The following CEP104 variants were observed in gnomAD, a reference collection of about 807,000 sequenced individuals.
CEP104 encodes centrosomal protein 104.
CEP104 carries 84 observed loss-of-function variants against 113.3 expected under a neutral mutation model. The ratio of observed to expected loss-of-function variants is 0.74; its 90% confidence interval spans 0.62 to 0.89. The LOEUF (loss-of-function observed/expected upper bound fraction) is 0.89. Among genes scored for constraint, CEP104 ranks in the 40% least tolerant of loss-of-function variants. The pLI is 0.00. For missense variants in CEP104, 1,053 were observed against 1,156.6 expected, an observed-to-expected ratio of 0.91 and a Z score of 1.30; for synonymous variants, 378 against 421.7, an observed-to-expected ratio of 0.90 and a Z score of 1.27.
At chr1:3,818,211 C>T (rs985077993) in intron 20 of CEP104, among the ~76,000 whole-genome samples, 6 of 152,212 alleles carry the variant, frequency 3.9e-5, no homozygotes, top group African/African-American at 1.4e-4. Flanking sequence ...TCCTCCCACT[C>T]TGCCTGGGGC....
intron 2 of CEP104, among the ~76,000 whole-genome samples, chr1:3,849,024 T>C (rs1644562198): frequency 6.6e-6 from 1 of 152,188 alleles, no homozygotes; most frequent in Admixed American, 6.5e-5. Flanking sequence ...ATAGGAATCA[T>C]ACTCTTGGCA....
rs776879980 is a variant in CEP104, at chr1:3,845,029, A to G, written c.490-46T>C. The G allele has an allele frequency of 2.1e-6, 3 of 1,439,880 alleles. No homozygotes were observed. The Admixed American group carries it at 5.0e-5, about 24-fold the overall frequency. 89.2% of individuals were successfully genotyped at this position (1,439,880 alleles called of 1,614,324 possible). A position where few individuals can be genotyped will look rare whatever the true frequency, so the allele number is the denominator to read the frequency against. On this transcript the variant is annotated intron_variant, in intron 5 of 21. Transcript: ENST00000378230. ...CTTAGTGTCTCAGAGAGAAAGAGGA[A>G]CAACACAAAACCTTAACTACAAGAT...
intron 15 of CEP104, 100 bp downstream of exon 15, chr1:3,829,166 G>T: frequency 1.2e-6 from 1 of 823,708 alleles, no homozygotes; most frequent in Non-Finnish European, 1.8e-6. Flanking sequence ...ACGCTCATTT[G>T]CATAATCCCA....
At chr1:3,853,206 T>C (rs1477182150) in intron 1 of CEP104, among the ~76,000 whole-genome samples, 2 of 152,070 alleles carry the variant, frequency 1.3e-5, no homozygotes. Context: ...GCTAAATGAA[T>C]GTGTATGACC....
intron 10 of CEP104, 28 bp downstream of exon 10, chr1:3,836,467 C>CGT (rs1553162938): frequency 1.7e-6 from 2 of 1,187,200 alleles, no homozygotes; most frequent in Non-Finnish European, 1.2e-6. Flanking sequence ...TCTGCCACCC[C>CGT]GTTTTTTTTT....
rs1643847558 is a variant in CEP104 at position 3,814,701 on chromosome 1, A to C, written c.*701T>G. The C allele has an allele frequency of 6.6e-6, 1 of 152,262 alleles. No individual in the cohort carries two copies. Among genetic ancestry groups the C allele is most frequent in the African/African-American group, 2.4e-5 (1 of 41,472 alleles). 9.4% of individuals were successfully genotyped at this position (152,262 alleles called of 1,614,324 possible). On this transcript the variant is annotated 3_prime_UTR_variant, in exon 22 of 22. Transcript: ENST00000378230. ...CCAGCAGGGAGCTGATGCCTGTCAC[A>C]GGGGCAGCACTACTGGAGAAGCATC... is the stretch of plus-strand genomic sequence containing the variant.
Position 3,823,175 on chromosome 1 carries a change from T to A in CEP104, c.2570A>T (p.Glu857Val), listed in dbSNP as rs1298754606. 1.2e-6 allele frequency: 2 copies of A among 1,613,898 alleles called. No individual in the cohort carries two copies. The highest frequency in any genetic ancestry group is 1.7e-6 in the Non-Finnish European group (2 of 1,179,972). ...GTCCCTTCTCCCCAGGCCCCTCACC[T>A]CTTCTCCAGGGCTGAAGTTCTCATG... ...LCHENFSPGEEAWKAHLMGPA... is the reference protein window; with the variant it reads ...LCHENFSPGEVAWKAHLMGPA... Residue 857 changes from glutamate (E) to valine (V), a missense_variant and splice_region_variant, in exon 20 of 22, where the codon GAG (glutamate) becomes GTG (valine). Physicochemically the swap from Glu to Val is moderately radical, Grantham distance 121 (BLOSUM62 -2). Coordinates refer to ENST00000378230, the MANE Select transcript of CEP104 (RefSeq NM_014704.4). This position sits in a 1 kb window ranked among gnomAD's most constrained non-coding sequence, Gnocchi z 4.1.
In CEP104 at chr1:3,823,030, C is replaced by T. The variant is rs1490474626; in HGVS notation, c.2571+144G>A. ...AAACGGAACGACTGCTCAGACAGGGCTCACTAGACGCTGTCCCCTCCCTGA... is the reference window on the plus strand; with the variant it reads ...AAACGGAACGACTGCTCAGACAGGGTTCACTAGACGCTGTCCCCTCCCTGA... On this transcript the variant is annotated intron_variant, in intron 20 of 21. Coordinates refer to ENST00000378230, the MANE Select transcript of CEP104 (RefSeq NM_014704.4). This position sits in a 1 kb window ranked among gnomAD's most constrained non-coding sequence, Gnocchi z 4.1. The T allele has an allele frequency of 1.4e-6, 1 of 712,726 alleles. No homozygotes were observed. Among genetic ancestry groups the T allele is most frequent in the Non-Finnish European group, 2.4e-6 (1 of 409,878 alleles). The allele number at this position is 712,726 out of a possible 1,614,324, so 44.2% of individuals were successfully genotyped here.
intron 12 of CEP104, among the ~76,000 whole-genome samples, chr1:3,831,602 T>C (rs1487555881): frequency 6.6e-6 from 1 of 152,234 alleles, no homozygotes; most frequent in Non-Finnish European, 1.5e-5. Flanking sequence ...ACCGTTATTT[T>C]AGTATTTATT....
chr1:3,815,755 A>G (rs957370239), intron 21 of CEP104, among the ~76,000 whole-genome samples: 2 of 151,058 alleles, frequency 1.3e-5, no homozygotes, highest in Non-Finnish European at 1.5e-5. Flanking sequence ...GTGGCGCAAT[A>G]TTGGCTCACC....
chr1:3,821,101 G>A (rs565434996), intron 20 of CEP104, among the ~76,000 whole-genome samples: 42 of 152,214 alleles, frequency 2.8e-4, no homozygotes, highest in Admixed American at 1.2e-3. Context: ...GGCCCCCAGC[G>A]CTGTCCTGAG....
intron 15 of CEP104, among the ~76,000 whole-genome samples, chr1:3,828,251 A>G (rs1267792852): frequency 6.6e-6 from 1 of 152,148 alleles, no homozygotes; most frequent in Non-Finnish European, 1.5e-5. Context: ...TTGTGTACTA[A>G]TCACAATGAG....
chr1:3,829,336 T>C lies in CEP104; in HGVS notation c.2081A>G (p.Gln694Arg), dbSNP rs748254073. 6.2e-7 allele frequency: 1 copy of C among 1,607,060 alleles called. No homozygotes were observed. The highest frequency in any genetic ancestry group is 8.5e-7 in the Non-Finnish European group (1 of 1,178,790). ...RKAATEEAEKQKKEEIKALQG... is the reference protein window; with the variant it reads ...RKAATEEAEKRKKEEIKALQG... ...TAAAGCTTTTATTTCTTCTTTCTTTTGTTTTTCTGCTTCTTCTGTAGCCGC... is the reference window on the plus strand; with the variant it reads ...TAAAGCTTTTATTTCTTCTTTCTTTCGTTTTTCTGCTTCTTCTGTAGCCGC... Residue 694 changes from glutamine (Q) to arginine (R), a missense_variant, in exon 15 of 22, where the codon CAA becomes CGA. Transcript: ENST00000378230.
chr1:3,852,902 G>A (rs1004553036), intron 1 of CEP104, among the ~76,000 whole-genome samples: 12 of 71,870 alleles, frequency 1.7e-4, no homozygotes, highest in South Asian at 8.5e-4. Context: ...TAAGCGGGCC[G>A]GCCAAGGACG....
Position 3,828,634 on chromosome 1 carries a change from C to T in CEP104, c.2151+632G>A, listed in dbSNP as rs183206333. 2.1e-3 allele frequency among the ~76,000 whole-genome samples: 321 copies of T among 152,296 alleles called. 2 individuals carry two copies. Among genetic ancestry groups the T allele is most frequent in the Non-Finnish European group, 3.3e-3 (226 of 68,024 alleles). Reference sequence around the variant, plus strand: ...GGTCCCAGAACTCATTCACCTGGCACGGCTGAAAACTCAGGTCTGCGGAAC... The same window carrying T: ...GGTCCCAGAACTCATTCACCTGGCATGGCTGAAAACTCAGGTCTGCGGAAC... On this transcript the variant is annotated intron_variant, in intron 15 of 21. Coordinates refer to ENST00000378230, the MANE Select transcript of CEP104 (RefSeq NM_014704.4).
intron 2 of CEP104, among the ~76,000 whole-genome samples, chr1:3,849,264 A>C (rs2124694759): frequency 9.2e-6 from 1 of 108,622 alleles, no homozygotes; most frequent in East Asian, 2.2e-4. Context: ...AAAGTGACAT[A>C]ACTTTTTTTT....
chr1:3,824,968 GA>G (rs1233088911), intron 18 of CEP104, among the ~76,000 whole-genome samples: 3 of 117,982 alleles, frequency 2.5e-5, no homozygotes, highest in Non-Finnish European at 5.4e-5. Context: ...TGGGAAGGGG[GA>G]CAGTGGCACT....
rs78421308 is a variant in CEP104, at chr1:3,819,467, A to C, written c.2572-3097T>G. ...GGCTGTGCAGACTAGATCTCCATGAAGCTGTTAAAAACAGGTGATCTTAAT... is the reference window on the plus strand; with the variant it reads ...GGCTGTGCAGACTAGATCTCCATGACGCTGTTAAAAACAGGTGATCTTAAT... On this transcript the variant is annotated intron_variant, in intron 20 of 21. Coordinates refer to ENST00000378230, the MANE Select transcript of CEP104 (RefSeq NM_014704.4). The surrounding 1 kb of genome is among the most constrained non-coding windows in gnomAD (Gnocchi z 4.6). Among the ~76,000 whole-genome samples the C allele has an allele frequency of 2.6e-5, 4 of 152,238 alleles. No homozygotes were observed. The highest frequency in any genetic ancestry group is 4.4e-5 in the Non-Finnish European group (3 of 68,032).
chr1:3,829,298 C>G lies in CEP104; in HGVS notation c.2119G>C (p.Ala707Pro). 6.3e-7 allele frequency: 1 copy of G among 1,593,398 alleles called. No homozygotes were observed. Among genetic ancestry groups the G allele is most frequent in the Non-Finnish European group, 8.5e-7 (1 of 1,175,452 alleles). Reference sequence around the variant, plus strand: ...TCAGCCTGAATTTCTTTCAGTGCTGCCAGCTGCCCTTGTAAAGCTTTTATT... The same window carrying G: ...TCAGCCTGAATTTCTTTCAGTGCTGGCAGCTGCCCTTGTAAAGCTTTTATT... ...EEIKALQGQL[A>P]ALKEIQAEVQ... The change falls in exon 15 of 22, where the codon GCA becomes CCA. Residue 707 changes from alanine to proline, a missense_variant. Coordinates refer to ENST00000378230, the MANE Select transcript of CEP104 (RefSeq NM_014704.4).
Sources: gnomAD v4.1 joint callset for allele counts (sites outside exome capture counted in the v4.1 genomes callset) on GRCh38, gnomAD v4.1.1 for gene constraint, Gnocchi (gnomAD v3.1) non-coding constraint, MANE v1.5 for transcripts, NCBI Gene and HGNC (gene_info 2026-07-23, HGNC 2026-07-21) for gene names.